Variants in ADAMTSL3 observed in about 807,000 individuals in gnomAD.
ADAMTSL3 encodes the protein ADAMTS-like protein 3.
ADAMTSL3 carries 128 observed loss-of-function variants against 201.7 expected under a neutral mutation model. That is an observed-to-expected ratio of 0.63 (90% CI 0.55 to 0.73). ADAMTSL3 has a LOEUF of 0.73. ADAMTSL3 is among the 30% of genes least tolerant of loss of function. The pLI is 0.00. For missense variants in ADAMTSL3, 1,990 were observed against 2,119.6 expected (o/e 0.94, Z 1.20); for synonymous variants, 738 against 748.4 (o/e 0.99, Z 0.23).
At position 83,854,988 on chromosome 15, in the gene ADAMTSL3, C is replaced by T. The variant is rs186478808; in HGVS notation, c.728-3778C>T. On this transcript the variant is annotated intron_variant, in intron 7 of 29. Coordinates refer to ENST00000286744, the MANE Select transcript of ADAMTSL3 (RefSeq NM_207517.3). ...TTCCCTACTCCAGACCTGGCATTAC[C>T]TGGTTTTTCATGGAGAGTTGGTTAT... 1.8e-4 allele frequency among the ~76,000 whole-genome samples: 27 copies of T among 152,212 alleles called. No individual in the cohort carries two copies. The East Asian group carries it at 5.2e-3, about 29-fold the overall frequency.
intron 19 of ADAMTSL3, among the ~76,000 whole-genome samples, chr15:83,963,576 G>T (rs1326261638): frequency 1.3e-5 from 2 of 152,222 alleles, no homozygotes; most frequent in African/African-American, 4.8e-5. Flanking sequence ...AGCTGTGGGT[G>T]CAGCTTCAGC....
At chr15:83,839,845 C>T (rs2064341653) in intron 7 of ADAMTSL3, among the ~76,000 whole-genome samples, 1 of 152,100 alleles carries the variant, frequency 6.6e-6, no homozygotes, top group Non-Finnish European at 1.5e-5. Context: ...AGAGGAGACA[C>T]ATATCAGAGG....
At chr15:83,864,407 T>A (rs1041962779) in intron 8 of ADAMTSL3, among the ~76,000 whole-genome samples, 28 of 152,182 alleles carry the variant, frequency 1.8e-4, no homozygotes, top group Non-Finnish European at 3.7e-4. Context: ...TCAAAAAGCT[T>A]ATCCACCATG....
intron 28 of ADAMTSL3, among the ~76,000 whole-genome samples, chr15:84,031,909 G>A (rs1224764042): frequency 6.6e-6 from 1 of 152,182 alleles, no homozygotes; most frequent in African/African-American, 2.4e-5. Context: ...TAAGGGTGGA[G>A]TTTGCTTTCC....
chr15:83,799,075 C>T (rs2063478199), intron 4 of ADAMTSL3, among the ~76,000 whole-genome samples: 2 of 152,054 alleles, frequency 1.3e-5, no homozygotes, highest in African/African-American at 2.4e-5. Context: ...ACCTACTTCC[C>T]TTGGAATGCT....
chr15:83,823,949 CTTCTTCTTCTTCTTCTTCTT>C lies in ADAMTSL3; in HGVS notation c.600+3903_600+3922del, dbSNP rs1567169746. Among the ~76,000 whole-genome samples the C allele has an allele frequency of 2.1e-3, 205 of 95,384 alleles. 4 individuals carry two copies. The highest frequency in any genetic ancestry group is 0.015 in the East Asian group (42 of 2,870). The allele number at this position is 95,384 out of a possible 152,430, so 62.6% of individuals were successfully genotyped here. On this transcript the variant is annotated intron_variant, in intron 6 of 29. Coordinates refer to ENST00000286744, the MANE Select transcript of ADAMTSL3 (RefSeq NM_207517.3). The stretch of plus-strand genomic sequence containing the variant: ...TCTTCTTCTTCTTCTTCTTCTTCTT[CTTCTTCTTCTTCTTCTTCTT>C]CTTCTCCTCCTCCTCCTCCTCCTTC...
rs950202033 is a variant in ADAMTSL3, at chr15:83,890,390, C to T, written c.1211+143C>T. 36 of 1,043,350 alleles carry T rather than the reference C, an allele frequency of 3.5e-5. No homozygotes were observed. In the Middle Eastern group the frequency reaches 1.9e-3, roughly 55 times the overall value. The allele number at this position is 1,043,350 out of a possible 1,614,324, so 64.6% of individuals were successfully genotyped here. ...CAGGTGCCTACATTCACATTTGTAA[C>T]TATGGTGCATAGGAATTAGGACACA... On this transcript the variant is annotated intron_variant, in intron 11 of 29. Transcript: ENST00000286744.
intron 10 of ADAMTSL3, 77 bp from the exon 11 acceptor site, chr15:83,890,032 T>A: frequency 1.2e-5 from 18 of 1,471,052 alleles, no homozygotes; most frequent in Middle Eastern, 2.3e-4. Context: ...AAAAAAAAAG[T>A]GTGTGGCAAG....
At chr15:83,667,387 AT>A (rs2061262738) in intron 2 of ADAMTSL3, among the ~76,000 whole-genome samples, 1 of 152,214 alleles carries the variant, frequency 6.6e-6, no homozygotes, top group South Asian at 2.1e-4. Context: ...CTTAAATGGC[AT>A]ATGGTATAAT....
In ADAMTSL3 at chr15:83,704,168, G is replaced by A. The variant is rs74963087; in HGVS notation, c.70-221G>A. On this transcript the variant is annotated intron_variant, in intron 2 of 29. Coordinates refer to ENST00000286744, the MANE Select transcript of ADAMTSL3 (RefSeq NM_207517.3). ...GCAGGTGTCAGAGAATAAATGCCAT[G>A]GCTGCCAGTTTGATTCGGGCCACTG... is the stretch of plus-strand genomic sequence containing the variant. Among the ~76,000 whole-genome samples, 303 of 152,262 alleles carry A rather than the reference G, an allele frequency of 2.0e-3. 2 individuals carry two copies. Among genetic ancestry groups the A allele is most frequent in the African/African-American group, 7.1e-3 (293 of 41,544 alleles).
intron 3 of ADAMTSL3, among the ~76,000 whole-genome samples, chr15:83,712,518 G>A (rs2061946855): frequency 6.6e-6 from 1 of 152,042 alleles, no homozygotes; most frequent in Admixed American, 6.5e-5. Flanking sequence ...CCTCTTTTTT[G>A]GAGGCTCATG....
chr15:84,010,741 T>G (rs2067993025), intron 23 of ADAMTSL3, among the ~76,000 whole-genome samples: 1 of 152,204 alleles, frequency 6.6e-6, no homozygotes, highest in Non-Finnish European at 1.5e-5. Flanking sequence ...TCAAAGTTGT[T>G]TCTGAGCTCC....
Position 84,014,225 on chromosome 15 carries a change from A to G in ADAMTSL3, c.3974-317A>G, listed in dbSNP as rs180940172. ...CAGCTTCACCGACTCCTTCTTTCCA[A>G]CCACACTCCCACTACCCTACCCACC... On this transcript the variant is annotated intron_variant, in intron 23 of 29. Transcript: ENST00000286744. Among the ~76,000 whole-genome samples, 9 of 152,030 alleles carry G rather than the reference A, an allele frequency of 5.9e-5. No individual in the cohort carries two copies. In the East Asian group the frequency reaches 1.7e-3, roughly 29 times the overall value.
At position 83,847,894 on chromosome 15, in the gene ADAMTSL3, A is replaced by T. The variant is rs11853243; in HGVS notation, c.727+9679A>T. The stretch of plus-strand genomic sequence containing the variant: ...TTTTCAGTTTACAAAATGTTGTCAC[A>T]ACATTATCTCATTTTAAAAAATGCA... On this transcript the variant is annotated intron_variant, in intron 7 of 29. Transcript: ENST00000286744. Among the ~76,000 whole-genome samples, 1,356 of 152,174 alleles carry T rather than the reference A, an allele frequency of 8.9e-3. 17 individuals carry two copies. Among genetic ancestry groups the T allele is most frequent in the African/African-American group, 0.031 (1,266 of 41,504 alleles).
intron 4 of ADAMTSL3, among the ~76,000 whole-genome samples, chr15:83,777,396 G>T (rs2063095371): frequency 6.6e-6 from 1 of 152,114 alleles, no homozygotes; most frequent in Non-Finnish European, 1.5e-5. Flanking sequence ...AAACATTTTG[G>T]CCCCTGCAGT....
At chr15:83,810,724 T>C (rs954986681) in intron 5 of ADAMTSL3, among the ~76,000 whole-genome samples, 6 of 152,158 alleles carry the variant, frequency 3.9e-5, no homozygotes, top group African/African-American at 1.4e-4. Context: ...TGCATCTGTT[T>C]GAACATTTTT....
At chr15:83,811,318 A>G (rs1409305883) in intron 5 of ADAMTSL3, among the ~76,000 whole-genome samples, 1 of 152,204 alleles carries the variant, frequency 6.6e-6, no homozygotes, top group African/African-American at 2.4e-5. Context: ...ACAAATTTCA[A>G]AACAGTATGA....
chr15:83,863,325 C>T (rs959742175), intron 8 of ADAMTSL3, among the ~76,000 whole-genome samples: 1 of 152,214 alleles, frequency 6.6e-6, no homozygotes, highest in African/African-American at 2.4e-5. Flanking sequence ...ACATTCTTTT[C>T]AGCACCACAC....
intron 9 of ADAMTSL3, among the ~76,000 whole-genome samples, chr15:83,871,611 T>A (rs542900663): frequency 1.4e-4 from 21 of 152,288 alleles, no homozygotes; most frequent in Admixed American, 1.3e-4. Context: ...TGACAGATAC[T>A]TGTCACAAGA....
Sources: allele counts gnomAD v4.1 joint callset (sites outside exome capture counted in the v4.1 genomes callset), GRCh38; gene constraint gnomAD v4.1.1; transcripts MANE v1.5; gene names NCBI Gene and HGNC (gene_info 2026-07-23, HGNC 2026-07-21).